KCNIP1: variants seen among roughly 807,000 people sequenced by gnomAD.
The protein encoded by KCNIP1 is A-type potassium channel modulatory protein KCNIP1.
A neutral mutation model predicts 33.0 loss-of-function variants in KCNIP1; 18 were observed. The observed-to-expected ratio is 0.55, with a 90% confidence interval of 0.38 to 0.81. KCNIP1 has a LOEUF of 0.81. Among genes scored for constraint, KCNIP1 ranks in the 30% least tolerant of loss-of-function variants. The pLI is 0.00. For synonymous variants in KCNIP1, 93 were observed against 98.3 expected (o/e 0.95, Z 0.32); for missense variants, 238 against 271.6 (o/e 0.88, Z 0.87).
intron 1 of KCNIP1, among the ~76,000 whole-genome samples, chr5:170,647,168 G>A (rs1387399278): frequency 6.6e-6 from 1 of 152,178 alleles, no homozygotes; most frequent in Non-Finnish European, 1.5e-5. Flanking sequence ...GGTATTGTCA[G>A]GTTATCAGTT....
rs1363713 is a variant in KCNIP1, at chr5:170,736,090, G to A, written c.*284G>A. The A allele has an allele frequency of 4.6e-6, 2 of 433,512 alleles. No homozygotes were observed. Among genetic ancestry groups the A allele is most frequent in the South Asian group, 4.7e-5 (1 of 21,112 alleles). The allele number at this position is 433,512 out of a possible 1,614,324, so 26.9% of individuals were successfully genotyped here. On this transcript the variant is annotated 3_prime_UTR_variant, in exon 8 of 8. Transcript: ENST00000328939. ...TCCTCACACTGCTGCCCTATGGAAG[G>A]TCCCTCTGCTTAAGCTTAAACAGTA...
chr5:170,622,809 C>T (rs1205373343), intron 1 of KCNIP1, among the ~76,000 whole-genome samples: 1 of 152,136 alleles, frequency 6.6e-6, no homozygotes, highest in Non-Finnish European at 1.5e-5. Flanking sequence ...ACCCTGACTT[C>T]AGACTCCCAG....
upstream of KCNIP1, among the ~76,000 whole-genome samples, chr5:170,501,345 T>C (rs77120936): frequency 8.8e-3 from 1,330 of 151,966 alleles, 22 homozygotes; most frequent in African/African-American, 0.031. Context: ...ACAACACGCA[T>C]CTGAGAAATA....
At chr5:170,651,627 T>C (rs1409383272) in intron 1 of KCNIP1, among the ~76,000 whole-genome samples, 1 of 152,202 alleles carries the variant, frequency 6.6e-6, no homozygotes, top group African/African-American at 2.4e-5. Context: ...TTTGTATGTC[T>C]CCTTCCTGGA....
At chr5:170,578,319 C>A (rs908514923) in intron 1 of KCNIP1, among the ~76,000 whole-genome samples, 10 of 152,146 alleles carry the variant, frequency 6.6e-5, no homozygotes, top group Non-Finnish European at 1.3e-4. Flanking sequence ...TTCAAAGAGT[C>A]TGAGAAAGTG....
chr5:170,681,518 C>G, intron 1 of KCNIP1: 1 of 180,394 alleles, frequency 5.5e-6, no homozygotes, highest in Non-Finnish European at 1.1e-5. Flanking sequence ...CTGGTAACTA[C>G]GTATATTGTT....
Position 170,362,236 on chromosome 5 carries a change from A to T in KCNIP1, c.88+8272A>T, listed in dbSNP as rs186148469. Among the ~76,000 whole-genome samples, 230 of 152,306 alleles carry T rather than the reference A, an allele frequency of 1.5e-3. 3 individuals carry two copies. The highest frequency in any genetic ancestry group is 4.9e-3 in the African/African-American group (202 of 41,582). The stretch of plus-strand genomic sequence containing the variant: ...TGCTTGGAGTCACACAGCCAGCATG[A>T]AGCATAGCCACAACTGGAAGCCTAG... On this transcript the variant is annotated intron_variant, in intron 1 of 7. Coordinates refer to the KCNIP1 transcript ENST00000377360.
chr5:170,591,525 G>T (rs987513186), intron 1 of KCNIP1, among the ~76,000 whole-genome samples: 2 of 152,104 alleles, frequency 1.3e-5, no homozygotes, highest in African/African-American at 2.4e-5. Context: ...CACGTTGTTG[G>T]ACAAACTTCA....
rs189626969 is a variant in KCNIP1 at position 170,430,920 on chromosome 5, C to G, written c.88+76956C>G. On this transcript the variant is annotated intron_variant, in intron 1 of 7. Transcript: ENST00000377360. The stretch of plus-strand genomic sequence containing the variant: ...TGCCTCCTGGATCCCAGAATTTGCT[C>G]ACTGTCCACGACTTCCTGTCATGGC... Among the ~76,000 whole-genome samples the G allele has an allele frequency of 7.9e-5, 12 of 152,340 alleles. 2 individuals are homozygous for G. The highest frequency in any genetic ancestry group is 2.9e-4 in the African/African-American group (12 of 41,580).
intron 1 of KCNIP1, among the ~76,000 whole-genome samples, chr5:170,368,410 G>C (rs1447278053): frequency 1.3e-5 from 2 of 152,094 alleles, no homozygotes; most frequent in African/African-American, 4.8e-5. Context: ...GACTACAGGT[G>C]CCGGCCACCA....
chr5:170,564,588 G>A (rs944504918), intron 1 of KCNIP1, among the ~76,000 whole-genome samples: 13 of 152,108 alleles, frequency 8.5e-5, no homozygotes, highest in Admixed American at 2.6e-4. Flanking sequence ...GATGTGGCCC[G>A]TGATCTATAT....
chr5:170,473,149 T>C (rs1010082098), intron 1 of KCNIP1, among the ~76,000 whole-genome samples: 2 of 152,218 alleles, frequency 1.3e-5, no homozygotes, highest in Non-Finnish European at 2.9e-5. Flanking sequence ...GGTGTCGCAT[T>C]GTGGTTTTGA....
At chr5:170,672,356 G>T (rs1761959072) in intron 1 of KCNIP1, among the ~76,000 whole-genome samples, 1 of 152,164 alleles carries the variant, frequency 6.6e-6, no homozygotes, top group African/African-American at 2.4e-5. Context: ...CCTCTCGAAG[G>T]GGTTCAGAAA....
intron 1 of KCNIP1, among the ~76,000 whole-genome samples, chr5:170,357,977 G>A (rs1763392236): frequency 6.6e-6 from 1 of 152,208 alleles, no homozygotes; most frequent in Non-Finnish European, 1.5e-5. Flanking sequence ...CCTAGGAGAA[G>A]CCCAGCTCCT....
At chr5:170,578,609 G>A (rs1187122346) in intron 1 of KCNIP1, among the ~76,000 whole-genome samples, 1 of 152,140 alleles carries the variant, frequency 6.6e-6, no homozygotes, top group Admixed American at 6.5e-5. Flanking sequence ...TGTGGCATTG[G>A]GAAAAGTGGT....
At position 170,489,771 on chromosome 5, in the gene KCNIP1, G is replaced by A. The variant is rs1295363294; in HGVS notation, c.88+135807G>A. 2.0e-5 allele frequency among the ~76,000 whole-genome samples: 3 copies of A among 152,186 alleles called. No homozygotes were observed. Among genetic ancestry groups the A allele is most frequent in the East Asian group, 3.9e-4 (2 of 5,192 alleles). On this transcript the variant is annotated intron_variant, in intron 1 of 7. Coordinates refer to the KCNIP1 transcript ENST00000377360. This position sits in a 1 kb window ranked among gnomAD's most constrained non-coding sequence, Gnocchi z 4.3. ...AGCTATCCTGGGGAATGAAGCCTGAGGCTAAAACCTATGCCCTATTTCCAG... is the reference window on the plus strand; with the variant it reads ...AGCTATCCTGGGGAATGAAGCCTGAAGCTAAAACCTATGCCCTATTTCCAG...
At chr5:170,447,681 G>C (rs933773628) in intron 1 of KCNIP1, among the ~76,000 whole-genome samples, 7 of 151,988 alleles carry the variant, frequency 4.6e-5, no homozygotes, top group Admixed American at 1.3e-4. Context: ...TTATTTCAAG[G>C]GTTGCTCCTG....
At chr5:170,665,492 T>C (rs530872027) in intron 1 of KCNIP1, among the ~76,000 whole-genome samples, 152 of 152,316 alleles carry the variant, frequency 1.0e-3, no homozygotes, top group Non-Finnish European at 1.3e-4. Flanking sequence ...TTTAGAATAG[T>C]TTTAAATTAT....
At chr5:170,555,797 C>T (rs1203893811) in intron 1 of KCNIP1, among the ~76,000 whole-genome samples, 3 of 152,090 alleles carry the variant, frequency 2.0e-5, no homozygotes, top group Non-Finnish European at 4.4e-5. Flanking sequence ...CTGGGAAAAC[C>T]GAGGCAGCCT....
Sources: allele counts gnomAD v4.1 joint callset (sites outside exome capture counted in the v4.1 genomes callset), GRCh38; gene constraint gnomAD v4.1.1; non-coding constraint Gnocchi (gnomAD v3.1); transcripts MANE v1.5; gene names NCBI Gene and HGNC (gene_info 2026-07-23, HGNC 2026-07-21).